B4GALNT3: variants seen among roughly 807,000 people sequenced by gnomAD.
B4GALNT3 encodes beta-1,4-N-acetyl-galactosaminyltransferase 3, also known as beta-1,4-N-acetylgalactosaminyltransferase 3.
A neutral mutation model predicts 120.2 loss-of-function variants in B4GALNT3; 86 were observed. The ratio of observed to expected loss-of-function variants is 0.72; its 90% CI spans 0.60 to 0.86. B4GALNT3 has a LOEUF of 0.86. Ranked by LOEUF, B4GALNT3 falls within the 40% of genes least tolerant of loss-of-function variation. The pLI is 0.00. For synonymous variants in B4GALNT3, 518 were observed against 510.4 expected (o/e 1.01, Z -0.20); for missense variants, 1,167 against 1,298.9 (o/e 0.90, Z 1.56).
intron 3 of B4GALNT3, among the ~76,000 whole-genome samples, chr12:538,788 G>A (rs1351587134): frequency 6.6e-6 from 1 of 152,168 alleles, no homozygotes; most frequent in Non-Finnish European, 1.5e-5. Context: ...CAGTCACACA[G>A]CTGCATTATG....
At chr12:501,543 T>C (rs1299581225) in intron 1 of B4GALNT3, among the ~76,000 whole-genome samples, 1 of 152,090 alleles carries the variant, frequency 6.6e-6, no homozygotes, top group Non-Finnish European at 1.5e-5. Flanking sequence ...TTTGCACCAC[T>C]GCACTCCAGC....
chr12:546,653 A>G lies in B4GALNT3; in HGVS notation c.647A>G (p.Lys216Arg). 3 of 1,551,448 alleles carry G rather than the reference A, an allele frequency of 1.9e-6. No homozygotes were observed. The highest frequency in any genetic ancestry group is 2.6e-6 in the Non-Finnish European group (3 of 1,146,848). ...TCTCTTCCACACCTCTAGACTGGAA[A>G]GGAGTGGACCGCCCCGGGAGAGTTT... ...QLLASVGKTG[K>R]EWTAPGEFGK... Residue 216 changes from lysine (K) to arginine (R), a missense_variant, in exon 7 of 20, where the codon AAG becomes AGG. Lys to Arg is a conservative substitution (Grantham distance 26). Transcript: ENST00000266383.
chr12:470,054 G>A (rs180834957), intron 1 of B4GALNT3, among the ~76,000 whole-genome samples: 13 of 152,270 alleles, frequency 8.5e-5, no homozygotes, highest in African/African-American at 2.9e-4. Context: ...CTAATTTCCT[G>A]TCCTTTTGAG....
chr12:531,475 C>T (rs969377149), intron 1 of B4GALNT3, among the ~76,000 whole-genome samples: 1 of 151,868 alleles, frequency 6.6e-6, no homozygotes, highest in African/African-American at 2.4e-5. Flanking sequence ...ATAGAAAGAC[C>T]CCATCTCTAA....
chr12:554,560 G>A (rs922193543), intron 14 of B4GALNT3, among the ~76,000 whole-genome samples: 7 of 151,970 alleles, frequency 4.6e-5, no homozygotes, highest in African/African-American at 9.7e-5. Context: ...GGAGGCCGAG[G>A]CGGGCGGATC....
chr12:556,663 C>G lies in B4GALNT3; in HGVS notation c.2177C>G (p.Ser726Trp). The change falls in exon 15 of 20, where the codon TCG becomes TGG. Residue 726 changes from serine to tryptophan, a missense_variant. Transcript: ENST00000266383. The stretch of plus-strand genomic sequence containing the variant: ...CAAGGCCAGCGCGTGGTGCGGCTCT[C>G]GGAGTATGTGTCTGCACGAGGCTGG... ...LEQGQRVVRL[S>W]EYVSARGWQG... The G allele has an allele frequency of 6.2e-7, 1 of 1,614,004 alleles. No homozygotes were observed. The highest frequency in any genetic ancestry group is 8.5e-7 in the Non-Finnish European group (1 of 1,180,038).
intron 1 of B4GALNT3, among the ~76,000 whole-genome samples, chr12:500,749 C>T (rs992124703): frequency 5.3e-5 from 8 of 152,014 alleles, no homozygotes; most frequent in African/African-American, 1.9e-4. Flanking sequence ...TCTCTAGGAC[C>T]GTGCTTCAAG....
At chr12:530,925 C>CACCT (rs1234722965) in intron 1 of B4GALNT3, among the ~76,000 whole-genome samples, 1 of 152,116 alleles carries the variant, frequency 6.6e-6, no homozygotes, top group Non-Finnish European at 1.5e-5. Flanking sequence ...CTTTATCTGT[C>CACCT]ACCTGAGATT....
chr12:514,395 C>T (rs890049975), intron 1 of B4GALNT3, among the ~76,000 whole-genome samples: 55 of 151,794 alleles, frequency 3.6e-4, no homozygotes, highest in Non-Finnish European at 6.2e-4. Flanking sequence ...GGCGGGGTTT[C>T]ACCGTGTTAG....
At chr12:469,305 A>G (rs1274988437) in intron 1 of B4GALNT3, among the ~76,000 whole-genome samples, 4 of 152,164 alleles carry the variant, frequency 2.6e-5, no homozygotes, top group African/African-American at 9.7e-5. Context: ...AACTTTCCTT[A>G]TGACTAAATG....
At chr12:468,705 A>G (rs11063102) in intron 1 of B4GALNT3, among the ~76,000 whole-genome samples, 1,690 of 152,358 alleles carry the variant, frequency 0.011, 37 homozygotes, top group African/African-American at 0.039. Context: ...TGGATGCATA[A>G]AGTCACAAAC....
intron 1 of B4GALNT3, among the ~76,000 whole-genome samples, chr12:491,580 C>T (rs892488550): frequency 5.9e-5 from 9 of 151,940 alleles, no homozygotes; most frequent in Non-Finnish European, 1.2e-4. Flanking sequence ...CTGCCTGCCT[C>T]GGCCTCCCAA....
At chr12:536,356 A>C in intron 3 of B4GALNT3, 61 bp downstream of exon 3, 2 of 1,425,166 alleles carry the variant, frequency 1.4e-6, no homozygotes, top group South Asian at 2.3e-5. Context: ...TTTACAGATA[A>C]TTCCAGAGAT....
chr12:556,563 C>G lies in B4GALNT3; in HGVS notation c.2077C>G (p.Arg693Gly). 1.2e-6 allele frequency: 2 copies of G among 1,613,262 alleles called. No homozygotes were observed. The highest frequency in any genetic ancestry group is 1.7e-6 in the Non-Finnish European group (2 of 1,179,432). ...CTGCCATAGGAGGTACCAGCTACAG[C>G]GCATTGTGAACGTGGAAAAGCGTCA... ...QRSRGRYQLQ[R>G]IVNVEKRQDQ... is the part of the protein sequence containing the mutation. Residue 693 changes from arginine to glycine, a missense_variant, in exon 15 of 20, where the codon CGC (arginine) becomes GGC (glycine). By Grantham distance (125) the Arg-to-Gly change is moderately radical. Transcript: ENST00000266383.
intron 2 of B4GALNT3, among the ~76,000 whole-genome samples, chr12:535,640 G>GA (rs534750797): frequency 5.3e-4 from 80 of 152,324 alleles, no homozygotes; most frequent in African/African-American, 1.9e-3. Context: ...TTGCTGCTGA[G>GA]ATCAGAGGTG....
intron 1 of B4GALNT3, among the ~76,000 whole-genome samples, chr12:520,969 T>C (rs900066781): frequency 2.6e-5 from 4 of 152,226 alleles, no homozygotes; most frequent in African/African-American, 9.7e-5. Context: ...GTAAAGTTTC[T>C]TAAGTATTGT....
At chr12:559,451 G>A (rs1947199194) in intron 19 of B4GALNT3, 30 bp downstream of exon 19, 1 of 1,610,342 alleles carries the variant, frequency 6.2e-7, no homozygotes, top group Non-Finnish European at 8.5e-7. Context: ...CATCCACGAG[G>A]CCTGGGAATT....
chr12:526,652 C>T (rs2120638482), intron 1 of B4GALNT3, among the ~76,000 whole-genome samples: 1 of 152,266 alleles, frequency 6.6e-6, no homozygotes, highest in Non-Finnish European at 1.5e-5. Context: ...ACTAAATGGG[C>T]CCTTAAATGT....
At chr12:508,540 T>G (rs1440909691) in intron 1 of B4GALNT3, among the ~76,000 whole-genome samples, 1 of 152,208 alleles carries the variant, frequency 6.6e-6, no homozygotes, top group African/African-American at 2.4e-5. Flanking sequence ...CTTTTTAATG[T>G]TTAAATTATA....
Sources: allele counts gnomAD v4.1 joint callset (sites outside exome capture counted in the v4.1 genomes callset), GRCh38; gene constraint gnomAD v4.1.1; transcripts MANE v1.5; gene names NCBI Gene and HGNC (gene_info 2026-07-23, HGNC 2026-07-21).